GRID2: variants seen among roughly 807,000 people sequenced by gnomAD.
The protein encoded by GRID2 is glutamate receptor ionotropic, delta-2.
In GRID2, 33 loss-of-function variants were observed where a neutral mutation model predicts 114.8. The observed-to-expected ratio is 0.29, with a 90% CI of 0.22 to 0.38. GRID2 has a LOEUF of 0.38. GRID2 is among the 10% of genes least tolerant of loss of function. GRID2 has a pLI of 1.00. For synonymous variants in GRID2, 505 were observed against 449.9 expected, an observed-to-expected ratio of 1.12 and a Z score of -1.55; for missense variants, 1,184 against 1,257.7, an observed-to-expected ratio of 0.94 and a Z score of 0.89.
At chr4:93,278,738 A>AT (rs2149581902) in intron 8 of GRID2, among the ~76,000 whole-genome samples, 1 of 152,128 alleles carries the variant, frequency 6.6e-6, no homozygotes, top group East Asian at 1.9e-4. Flanking sequence ...TTATAAGATC[A>AT]TAGGAAGAAC....
At chr4:93,508,205 T>A (rs1465638241) in intron 12 of GRID2, among the ~76,000 whole-genome samples, 1 of 150,766 alleles carries the variant, frequency 6.6e-6, no homozygotes, top group Non-Finnish European at 1.5e-5. Context: ...TTTTGATTTT[T>A]TTTTTTTTTT....
intron 2 of GRID2, among the ~76,000 whole-genome samples, chr4:92,760,018 G>A (rs902430059): frequency 1.3e-5 from 2 of 151,012 alleles, no homozygotes; most frequent in African/African-American, 4.9e-5. Flanking sequence ...GAGGCGGGTG[G>A]ATCACGAGGT....
chr4:92,446,737 A>T (rs1221924922), intron 1 of GRID2, among the ~76,000 whole-genome samples: 102 of 152,354 alleles, frequency 6.7e-4, no homozygotes, highest in African/African-American at 2.4e-3. Context: ...GTTACTTCTA[A>T]GTCTACAGCC....
intron 2 of GRID2, among the ~76,000 whole-genome samples, chr4:92,994,933 C>G (rs1755111349): frequency 6.6e-6 from 1 of 152,140 alleles, no homozygotes. Context: ...CATCGATAGC[C>G]AGCCACAGTG....
chr4:93,796,858 G>A (rs1377577604), intron 1 of GRID2, among the ~76,000 whole-genome samples: 3 of 152,094 alleles, frequency 2.0e-5, no homozygotes, highest in South Asian at 2.1e-4. Context: ...TCATGGGAAC[G>A]TACTTGTAAA....
At chr4:92,794,905 T>TATATATATATATATACACACAC (rs745392261) in intron 2 of GRID2, among the ~76,000 whole-genome samples, 23 of 127,796 alleles carry the variant, frequency 1.8e-4, no homozygotes, top group African/African-American at 4.6e-4. Context: ...TATATATATA[T>TATATATATATATATACACACAC]ACACACACAC....
In GRID2 at chr4:92,385,972, A is replaced by G. The variant is rs1418574589; in HGVS notation, c.88+81228A>G. 5.3e-5 allele frequency among the ~76,000 whole-genome samples: 8 copies of G among 150,708 alleles called. No homozygotes were observed. The South Asian group carries it at 8.3e-4, about 16-fold the overall frequency. ...CTTGAAATAAGTCCTCCAATAGGAA[A>G]AAAAATATGCCCTTTGTGAAATGTC... On this transcript the variant is annotated intron_variant, in intron 1 of 15. Coordinates refer to ENST00000282020, the MANE Select transcript of GRID2 (RefSeq NM_001510.4).
At chr4:93,165,778 C>G (rs1049534137) in intron 4 of GRID2, among the ~76,000 whole-genome samples, 2 of 151,996 alleles carry the variant, frequency 1.3e-5, no homozygotes, top group African/African-American at 4.8e-5. Context: ...AAATACTGTG[C>G]AGACAGGAGG....
At chr4:93,261,198 T>C (rs961593425) in intron 8 of GRID2, among the ~76,000 whole-genome samples, 3 of 151,904 alleles carry the variant, frequency 2.0e-5, no homozygotes, top group African/African-American at 4.8e-5. Flanking sequence ...GAGATTATAA[T>C]TGAGGGCTTT....
intron 9 of GRID2, among the ~76,000 whole-genome samples, chr4:93,412,127 A>T (rs1767222441): frequency 6.6e-6 from 1 of 151,736 alleles, no homozygotes; most frequent in Non-Finnish European, 1.5e-5. Flanking sequence ...AAAAAAAAAA[A>T]GCCCCAGGCT....
intron 10 of GRID2, among the ~76,000 whole-genome samples, chr4:93,442,725 C>T (rs1391917258): frequency 6.6e-6 from 1 of 151,980 alleles, no homozygotes; most frequent in East Asian, 1.9e-4. Flanking sequence ...ATTCAATTAT[C>T]ATCTATAAGT....
chr4:92,627,384 G>T (rs1205132690), intron 2 of GRID2, among the ~76,000 whole-genome samples: 2 of 151,952 alleles, frequency 1.3e-5, no homozygotes, highest in Admixed American at 1.3e-4. Flanking sequence ...TTGGTTCGCT[G>T]AACAAAAACA....
chr4:92,432,417 G>T (rs1247537816), intron 1 of GRID2, among the ~76,000 whole-genome samples: 1 of 152,020 alleles, frequency 6.6e-6, no homozygotes, highest in Non-Finnish European at 1.5e-5. Context: ...AATCTACTTG[G>T]TGCTTTATTC....
intron 10 of GRID2, among the ~76,000 whole-genome samples, chr4:93,429,873 GT>G (rs1769234976): frequency 6.6e-6 from 1 of 152,120 alleles, no homozygotes; most frequent in South Asian, 2.1e-4. Context: ...CACCCACGTG[GT>G]TTCATGAGAG....
At chr4:92,461,617 T>A (rs545730594) in intron 1 of GRID2, among the ~76,000 whole-genome samples, 11 of 152,178 alleles carry the variant, frequency 7.2e-5, no homozygotes, top group South Asian at 2.1e-4. Context: ...TGCCTTTTTT[T>A]AATAAATAAA....
chr4:92,730,877 T>G (rs1388672311), intron 2 of GRID2, among the ~76,000 whole-genome samples: 6 of 151,904 alleles, frequency 3.9e-5, no homozygotes, highest in Non-Finnish European at 4.4e-5. Context: ...CTCATCTATC[T>G]ATCAAAAATT....
intron 1 of GRID2, among the ~76,000 whole-genome samples, chr4:92,504,785 T>C (rs1314330248): frequency 1.3e-5 from 2 of 152,036 alleles, no homozygotes; most frequent in Non-Finnish European, 2.9e-5. Flanking sequence ...GTACCTTTTC[T>C]ATCTTGCTTT....
chr4:92,438,578 CTGTGTGTG>C (rs34304139), intron 1 of GRID2, among the ~76,000 whole-genome samples: 4 of 147,004 alleles, frequency 2.7e-5, no homozygotes, highest in South Asian at 2.2e-4. Context: ...AGTTTACCTT[CTGTGTGTG>C]TGTGTGTGTG....
At chr4:92,985,076 A>G (rs955471638) in intron 2 of GRID2, among the ~76,000 whole-genome samples, 3 of 152,054 alleles carry the variant, frequency 2.0e-5, no homozygotes, top group African/African-American at 4.8e-5. Flanking sequence ...GACTGTAACA[A>G]CAGCCTGATA....
Sources: allele counts gnomAD v4.1 joint callset (sites outside exome capture counted in the v4.1 genomes callset), GRCh38; gene constraint gnomAD v4.1.1; transcripts MANE v1.5; gene names NCBI Gene and HGNC (gene_info 2026-07-23, HGNC 2026-07-21).